ACTR1A: variants seen among roughly 807,000 people sequenced by gnomAD.
The protein encoded by ACTR1A is alpha-centractin.
A neutral mutation model predicts 50.7 loss-of-function variants in ACTR1A; 10 were observed. The ratio of observed to expected loss-of-function variants is 0.20; its 90% CI spans 0.12 to 0.33. The LOEUF is 0.33. Ranked by LOEUF, ACTR1A falls within the 10% of genes least tolerant of loss-of-function variation. The pLI, the probability that ACTR1A is intolerant of heterozygous loss-of-function variation, is 1.00. For synonymous variants in ACTR1A, 177 were observed against 184.2 expected (o/e 0.96, Z 0.32); for missense variants, 253 against 491.7 (o/e 0.51, Z 4.59).
chr10:102,498,327 T>C (rs570184683), intron 1 of ACTR1A, among the ~76,000 whole-genome samples: 40 of 151,412 alleles, frequency 2.6e-4, no homozygotes, highest in African/African-American at 7.5e-4. Flanking sequence ...TCTCTCTCTT[T>C]TTTTTTTTTT....
At chr10:102,489,352 T>C (rs1213643455) in intron 2 of ACTR1A, among the ~76,000 whole-genome samples, 1 of 151,898 alleles carries the variant, frequency 6.6e-6, no homozygotes, top group East Asian at 1.9e-4. Context: ...TATTTTATAT[T>C]TATTATAAAT....
chr10:102,495,500 C>T (rs1262285467), intron 1 of ACTR1A, among the ~76,000 whole-genome samples: 2 of 149,960 alleles, frequency 1.3e-5, no homozygotes, highest in Non-Finnish European at 3.0e-5. Flanking sequence ...ACCCAGGAGG[C>T]GGAGCTTGTA....
intron 1 of ACTR1A, among the ~76,000 whole-genome samples, chr10:102,500,269 A>G (rs1162037770): frequency 6.6e-6 from 1 of 152,084 alleles, no homozygotes; most frequent in African/African-American, 2.4e-5. Context: ...CCCCATCTCT[A>G]CTAAAAATAC....
chr10:102,498,635 AT>A (rs762412530), intron 1 of ACTR1A, among the ~76,000 whole-genome samples: 884 of 144,050 alleles, frequency 6.1e-3, no homozygotes, highest in African/African-American at 5.8e-3. Context: ...AGCCTGGCTA[AT>A]TTTTTTTTTT....
At chr10:102,497,057 T>C (rs1366302489) in intron 1 of ACTR1A, among the ~76,000 whole-genome samples, 1 of 151,382 alleles carries the variant, frequency 6.6e-6, no homozygotes, top group Non-Finnish European at 1.5e-5. Flanking sequence ...TGCATGCCTG[T>C]AGTCCCAACT....
At position 102,488,165 on chromosome 10, in the gene ACTR1A, C is replaced by T. The variant is rs559347925; in HGVS notation, c.300G>A (p.Gln100=). ...WQYVYSKDQL[Q]TFSEEHPVLL... is the part of the protein sequence containing the mutation. ...GGATCCTCACCTCCTCTGAGAAAGT[C>T]TGCAGCTGGTCCTTAGAATAGACAT... Residue 100 remains glutamine (Q), a synonymous_variant, in exon 4 of 11, where the codon CAG becomes CAA. Transcript: ENST00000369905. This position sits in a 1 kb window ranked among gnomAD's most constrained non-coding sequence, Gnocchi z 4.4. 2 of 1,613,282 alleles carry T rather than the reference C, an allele frequency of 1.2e-6. No homozygotes were observed. Among genetic ancestry groups the T allele is most frequent in the Admixed American group, 3.3e-5 (2 of 60,004 alleles).
rs201953565 is a variant in ACTR1A at position 102,482,481 on chromosome 10, T to C, written c.751-306A>G. On this transcript the variant is annotated intron_variant, in intron 7 of 10. Coordinates refer to ENST00000369905, the MANE Select transcript of ACTR1A (RefSeq NM_005736.4). This position sits in a 1 kb window ranked among gnomAD's most constrained non-coding sequence, Gnocchi z 5.6. ...TAGCAATGGGGGTTCAAGGGAGTGGTAACTCACCCTACACTGCACCCAGGT... is the reference window on the plus strand; with the variant it reads ...TAGCAATGGGGGTTCAAGGGAGTGGCAACTCACCCTACACTGCACCCAGGT... The C allele has an allele frequency of 1.3e-4, 54 of 415,296 alleles. No homozygotes were observed. The East Asian group carries it at 2.7e-3, about 21-fold the overall frequency. 25.7% of individuals were successfully genotyped at this position (415,296 alleles called of 1,614,324 possible). A position where few individuals can be genotyped will look rare whatever the true frequency, so the allele number is the denominator to read the frequency against.
intron 1 of ACTR1A, among the ~76,000 whole-genome samples, chr10:102,494,685 G>A (rs1262314974): frequency 6.6e-6 from 1 of 152,148 alleles, no homozygotes; most frequent in Admixed American, 6.5e-5. Context: ...GCTGGGTGCG[G>A]TGGCCCACGC....
In ACTR1A at chr10:102,482,717, T is replaced by C. The variant is rs764992506; in HGVS notation, c.750+294A>G. 44 of 365,954 alleles carry C rather than the reference T, an allele frequency of 1.2e-4. No homozygotes were observed. Among genetic ancestry groups the C allele is most frequent in the Admixed American group, 1.7e-4 (4 of 23,850 alleles). The allele number at this position is 365,954 out of a possible 1,614,324, so 22.7% of individuals were successfully genotyped here. On this transcript the variant is annotated intron_variant, in intron 7 of 10. Transcript: ENST00000369905. This position sits in a 1 kb window ranked among gnomAD's most constrained non-coding sequence, Gnocchi z 5.6. Reference sequence around the variant, plus strand: ...AGTCTTTTGGCTTCCCTGGGCCACATTGGAAGAAGAATTGTCTTGGGCCAC... The same window carrying C: ...AGTCTTTTGGCTTCCCTGGGCCACACTGGAAGAAGAATTGTCTTGGGCCAC...
intron 1 of ACTR1A, among the ~76,000 whole-genome samples, chr10:102,500,594 A>AAC (rs2062245281): frequency 6.8e-6 from 1 of 146,070 alleles, no homozygotes; most frequent in South Asian, 2.2e-4. Context: ...CAAACAAACA[A>AAC]ACAAACAAAC....
intron 1 of ACTR1A, among the ~76,000 whole-genome samples, chr10:102,496,155 C>A (rs1431143934): frequency 6.6e-6 from 1 of 152,160 alleles, no homozygotes; most frequent in Non-Finnish European, 1.5e-5. Context: ...CCATGTTAGC[C>A]AGGATGGTCT....
Position 102,484,345 on chromosome 10 carries a change from G to C in ACTR1A, c.472C>G (p.Leu158Val), listed in dbSNP as rs985365234. 3 of 1,614,160 alleles carry C rather than the reference G, an allele frequency of 1.9e-6. No homozygotes were observed. The highest frequency in any genetic ancestry group is 2.5e-6 in the Non-Finnish European group (3 of 1,180,028). The change falls in exon 6 of 11, where the codon CTG becomes GTG. Residue 158 changes from leucine to valine, a missense_variant. This residue lies in a region of ACTR1A where 96 missense variants were observed against 238.7 expected (regional missense o/e 0.40). Transcript: ENST00000369905. ...YATGRTTGVV[L>V]DSGDGVTHAV... ...TGGGTGACTCCATCCCCAGAATCCAGCACCACCCCTGTGGTCCTGCCTGTA... is the reference window on the plus strand; with the variant it reads ...TGGGTGACTCCATCCCCAGAATCCACCACCACCCCTGTGGTCCTGCCTGTA...
intron 2 of ACTR1A, among the ~76,000 whole-genome samples, chr10:102,490,232 C>CAAAA (rs145472595): frequency 2.6e-4 from 12 of 45,660 alleles, no homozygotes; most frequent in South Asian, 7.2e-4. Context: ...GACTCCGTCT[C>CAAAA]AAAAAAAAAA....
rs760726588 is a variant in ACTR1A at position 102,502,571 on chromosome 10, C to G, written c.48+29G>C. ...CCTTTCGAGGAGGAGAGCCCAAGTC[C>G]CCTTATAGATAGGAAAGACGCAACT... is the stretch of plus-strand genomic sequence containing the variant. On this transcript the variant is annotated intron_variant, in intron 1 of 10. Coordinates refer to ENST00000369905, the MANE Select transcript of ACTR1A (RefSeq NM_005736.4). 3 of 1,613,434 alleles carry G rather than the reference C, an allele frequency of 1.9e-6. No homozygotes were observed. The African/African-American group carries it at 4.0e-5, about 21-fold the overall frequency.
At chr10:102,501,007 G>C (rs1295107079) in intron 1 of ACTR1A, among the ~76,000 whole-genome samples, 1 of 151,432 alleles carries the variant, frequency 6.6e-6, no homozygotes, top group Non-Finnish European at 1.5e-5. Context: ...GGAGGTTGAG[G>C]CTGCAGTGAG....
At chr10:102,493,001 CAA>C (rs398014648) in intron 1 of ACTR1A, among the ~76,000 whole-genome samples, 34 of 48,924 alleles carry the variant, frequency 6.9e-4, no homozygotes, top group Middle Eastern at 0.019. Flanking sequence ...GACTCCACCT[CAA>C]AAAAAAAAAA....
intron 1 of ACTR1A, among the ~76,000 whole-genome samples, chr10:102,495,493 C>G (rs1230705883): frequency 6.6e-6 from 1 of 151,534 alleles, no homozygotes; most frequent in Non-Finnish European, 1.5e-5. Flanking sequence ...GGCGTGAACC[C>G]AGGAGGCGGA....
At chr10:102,493,018 A>AAAAAAAAAAAAAAAAAC (rs2062202067) in intron 1 of ACTR1A, among the ~76,000 whole-genome samples, 1 of 150,400 alleles carries the variant, frequency 6.6e-6, no homozygotes, top group African/African-American at 2.4e-5. Flanking sequence ...AAAAAAAAAA[A>AAAAAAAAAAAAAAAAAC]AAAAAAGAAG....
Position 102,485,687 on chromosome 10 carries a change from C to T in ACTR1A, c.362G>A (p.Arg121Gln), listed in dbSNP as rs375605835. Residue 121 changes from arginine to glutamine, a missense_variant, in exon 5 of 11, where the codon CGG (arginine) becomes CAG (glutamine). Arg to Gln is a conservative substitution (Grantham distance 43). Transcript: ENST00000369905. ...TEAPLNPRKN[R>Q]ERAAEVFFET... ...GAAGAAAACTTCGGCAGCTCGTTCC[C>T]GGTTTTTTCGTGGGTTTAAAGGCGC... is the stretch of plus-strand genomic sequence containing the variant. 12 of 1,613,958 alleles carry T rather than the reference C, an allele frequency of 7.4e-6. No individual in the cohort carries two copies. Among genetic ancestry groups the T allele is most frequent in the South Asian group, 2.2e-5 (2 of 91,078 alleles).
Sources: allele counts gnomAD v4.1 joint callset (sites outside exome capture counted in the v4.1 genomes callset), GRCh38; gene constraint gnomAD v4.1.1; regional missense constraint gnomAD v4.1.1; non-coding constraint Gnocchi (gnomAD v3.1); transcripts MANE v1.5; gene names NCBI Gene and HGNC (gene_info 2026-07-23, HGNC 2026-07-21).